EDIL3: variants seen among roughly 807,000 people sequenced by gnomAD.
EDIL3 encodes the protein EGF-like repeat and discoidin I-like domain-containing protein 3.
In EDIL3, 37 loss-of-function variants were observed where a neutral mutation model predicts 67.4. The observed-to-expected ratio is 0.55, with a 90% confidence interval of 0.42 to 0.72. The LOEUF (loss-of-function observed/expected upper bound fraction) is 0.72, where lower values mean the gene tolerates loss of function less well. EDIL3 is among the 30% of genes least tolerant of loss of function. The pLI is 0.00. For synonymous variants in EDIL3, 195 were observed against 196.3 expected, an observed-to-expected ratio of 0.99 and a Z score of 0.05; for missense variants, 527 against 586.3, an observed-to-expected ratio of 0.90 and a Z score of 1.04.
chr5:84,307,029 G>T (rs141450466), intron 1 of EDIL3, among the ~76,000 whole-genome samples: 2,126 of 152,220 alleles, frequency 0.014, 53 homozygotes, highest in African/African-American at 0.049. Context: ...CATTTCTTGT[G>T]TACAAGATGC....
chr5:84,207,557 A>G (rs1744009987), intron 3 of EDIL3, among the ~76,000 whole-genome samples: 2 of 151,944 alleles, frequency 1.3e-5, no homozygotes, highest in Admixed American at 1.3e-4. Context: ...TTTAAAGTTC[A>G]TATGGAACCA....
intron 1 of EDIL3, among the ~76,000 whole-genome samples, chr5:84,339,599 T>C (rs1747058106): frequency 8.4e-6 from 1 of 119,016 alleles, no homozygotes. Context: ...TGTTTTAAAA[T>C]ACTGTGTTTT....
At chr5:84,075,483 C>CTTATTA (rs1554066688) in intron 6 of EDIL3, among the ~76,000 whole-genome samples, 2 of 150,974 alleles carry the variant, frequency 1.3e-5, no homozygotes, top group Non-Finnish European at 2.9e-5. Flanking sequence ...TCTTCTTCTT[C>CTTATTA]TTATTATTTT....
intron 1 of EDIL3, among the ~76,000 whole-genome samples, chr5:84,349,390 G>C (rs1014824306): frequency 6.6e-6 from 1 of 152,118 alleles, no homozygotes; most frequent in Non-Finnish European, 1.5e-5. Flanking sequence ...AGTATTAATA[G>C]ATCAACCAGC....
intron 2 of EDIL3, among the ~76,000 whole-genome samples, chr5:84,248,794 A>G (rs1483415663): frequency 6.6e-6 from 1 of 152,076 alleles, no homozygotes; most frequent in Non-Finnish European, 1.5e-5. Flanking sequence ...CCCCATAAAT[A>G]AGCAATAATT....
chr5:84,089,272 A>C (rs2269289), intron 6 of EDIL3, among the ~76,000 whole-genome samples: 1 of 152,030 alleles, frequency 6.6e-6, no homozygotes, highest in Non-Finnish European at 1.5e-5. Context: ...GCAACAAGTA[A>C]TTTTCCAACT....
chr5:84,217,309 T>C (rs1744248472), intron 3 of EDIL3, among the ~76,000 whole-genome samples: 1 of 152,184 alleles, frequency 6.6e-6, no homozygotes, highest in Non-Finnish European at 1.5e-5. Context: ...TTCTCTGAAA[T>C]AGGTTCTTTG....
chr5:84,058,119 CCATT>C (rs1463528319), intron 9 of EDIL3, among the ~76,000 whole-genome samples: 1 of 151,994 alleles, frequency 6.6e-6, no homozygotes, highest in Non-Finnish European at 1.5e-5. Flanking sequence ...GAGGCTCTTT[CCATT>C]CATTTCTTAT....
Position 84,384,467 on chromosome 5 carries a change from G to GC in EDIL3, c.-94dup. On this transcript the variant is annotated 5_prime_UTR_variant, in exon 1 of 11. Coordinates refer to ENST00000296591, the MANE Select transcript of EDIL3 (RefSeq NM_005711.5). ...GCAGCGCAGGGCAGCAGCAGACTCCGCCCCTACTAAAGAATTCAAGAAGAC... is the reference window on the plus strand; with the variant it reads ...GCAGCGCAGGGCAGCAGCAGACTCCGCCCCCTACTAAAGAATTCAAGAAGAC... 1 of 1,223,860 alleles carries GC rather than the reference G, an allele frequency of 8.2e-7. No individual in the cohort carries two copies. Among genetic ancestry groups the GC allele is most frequent in the Non-Finnish European group, 1.2e-6 (1 of 844,284 alleles). The allele number at this position is 1,223,860 out of a possible 1,614,324, so 75.8% of individuals were successfully genotyped here. A position where few individuals can be genotyped will look rare whatever the true frequency, so the allele number is the denominator to read the frequency against.
At chr5:83,957,082 A>AT (rs1466347146) in intron 10 of EDIL3, among the ~76,000 whole-genome samples, 2 of 151,758 alleles carry the variant, frequency 1.3e-5, no homozygotes, top group East Asian at 2.0e-4. Context: ...AAAGTCATGT[A>AT]TTTTTTGGAA....
At chr5:84,261,139 G>C (rs1368787197) in intron 1 of EDIL3, among the ~76,000 whole-genome samples, 1 of 152,078 alleles carries the variant, frequency 6.6e-6, no homozygotes, top group Admixed American at 6.6e-5. Context: ...CCAATCTATA[G>C]ACAGAATATT....
chr5:84,318,690 A>G (rs1348902698), intron 1 of EDIL3, among the ~76,000 whole-genome samples: 1 of 152,210 alleles, frequency 6.6e-6, no homozygotes, highest in Non-Finnish European at 1.5e-5. Flanking sequence ...GTAAGACCTA[A>G]AACCATAAAA....
intron 4 of EDIL3, among the ~76,000 whole-genome samples, chr5:84,167,580 A>G (rs1398430269): frequency 1.3e-5 from 2 of 152,202 alleles, no homozygotes; most frequent in Non-Finnish European, 2.9e-5. Context: ...TGATGAAAGA[A>G]TAAGTATTCT....
At chr5:84,189,442 A>G (rs548619148) in intron 3 of EDIL3, among the ~76,000 whole-genome samples, 2 of 151,988 alleles carry the variant, frequency 1.3e-5, no homozygotes, top group South Asian at 4.1e-4. Flanking sequence ...ACAGGTAATC[A>G]TTGTGGCACA....
intron 1 of EDIL3, among the ~76,000 whole-genome samples, chr5:84,295,504 T>TTA (rs1746032219): frequency 6.6e-6 from 1 of 152,084 alleles, no homozygotes; most frequent in Non-Finnish European, 1.5e-5. Context: ...ATTTTTTGAA[T>TTA]ATTCAACAAG....
intron 9 of EDIL3, among the ~76,000 whole-genome samples, chr5:84,049,996 G>A (rs1486433362): frequency 1.3e-5 from 2 of 151,732 alleles, no homozygotes; most frequent in African/African-American, 2.4e-5. Context: ...TCAGGAGATC[G>A]AGACCATCCT....
chr5:83,976,344 T>G (rs147357159), intron 9 of EDIL3, among the ~76,000 whole-genome samples: 5 of 151,860 alleles, frequency 3.3e-5, no homozygotes, highest in Non-Finnish European at 2.9e-5. Flanking sequence ...ACTTTTTTTC[T>G]GGAAAGCTTT....
Position 84,070,762 on chromosome 5 carries a change from T to A in EDIL3, c.652-4156A>T, listed in dbSNP as rs145794987. On this transcript the variant is annotated intron_variant, in intron 6 of 10. Coordinates refer to ENST00000296591, the MANE Select transcript of EDIL3 (RefSeq NM_005711.5). ...ACTGAATCCAGCACTTAAGATGCCC[T>A]GGAACAGAACATTGCTGAGCAGGCT... Among the ~76,000 whole-genome samples the A allele has an allele frequency of 4.4e-3, 669 of 152,128 alleles. 6 individuals are homozygous for A. The highest frequency in any genetic ancestry group is 0.015 in the African/African-American group (642 of 41,500).
At chr5:84,352,174 T>G (rs557359989) in intron 1 of EDIL3, among the ~76,000 whole-genome samples, 65 of 152,266 alleles carry the variant, frequency 4.3e-4, no homozygotes, top group African/African-American at 1.5e-3. Flanking sequence ...AGGGGAATTC[T>G]TATACATTGG....
Sources: gnomAD v4.1 joint callset for allele counts (sites outside exome capture counted in the v4.1 genomes callset) on GRCh38, gnomAD v4.1.1 for gene constraint, MANE v1.5 for transcripts, NCBI Gene and HGNC (gene_info 2026-07-23, HGNC 2026-07-21) for gene names.